The following ABCC4 variants were observed in gnomAD, a reference collection of about 807,000 sequenced individuals.
The protein encoded by ABCC4 is ATP binding cassette subfamily C member 4 (PEL blood group).
In ABCC4, 102 loss-of-function variants were observed where a neutral mutation model predicts 168.5. The observed-to-expected ratio is 0.61, with a 90% CI of 0.52 to 0.71. The LOEUF (loss-of-function observed/expected upper bound fraction) is 0.71, where lower values mean the gene tolerates loss of function less well. ABCC4 is among the 30% of genes least tolerant of loss of function. The pLI is 0.00. For missense variants in ABCC4, 1,402 were observed against 1,605.8 expected (o/e 0.87, Z 2.17); for synonymous variants, 617 against 590.7 (o/e 1.04, Z -0.65).
At chr13:95,101,048 A>C (rs928303022) in intron 20 of ABCC4, among the ~76,000 whole-genome samples, 4 of 152,214 alleles carry the variant, frequency 2.6e-5, no homozygotes, top group African/African-American at 9.6e-5. Flanking sequence ...ATTATACTCA[A>C]GTCTTAGGAT....
At chr13:95,165,977 T>A (rs1007355127) in intron 15 of ABCC4, among the ~76,000 whole-genome samples, 181 bp downstream of exon 15, 2 of 152,140 alleles carry the variant, frequency 1.3e-5, no homozygotes, top group Non-Finnish European at 2.9e-5. Context: ...AAAGGATAAC[T>A]CCAACCAGGG....
intron 4 of ABCC4, among the ~76,000 whole-genome samples, chr13:95,212,169 T>G (rs2038977420): frequency 9.0e-5 from 2 of 22,286 alleles, no homozygotes; most frequent in Admixed American, 4.2e-4. Context: ...AGTGAGACTG[T>G]CTCAAAAAAA....
At chr13:95,024,425 C>T (rs767327932) in intron 30 of ABCC4, among the ~76,000 whole-genome samples, 7 of 152,044 alleles carry the variant, frequency 4.6e-5, no homozygotes, top group Non-Finnish European at 1.0e-4. Flanking sequence ...ATTATAGTTC[C>T]TCTAATGTAG....
intron 30 of ABCC4, among the ~76,000 whole-genome samples, chr13:95,029,842 G>A (rs2031780457): frequency 6.6e-6 from 1 of 152,158 alleles, no homozygotes; most frequent in Non-Finnish European, 1.5e-5. Context: ...GAGCAGTACT[G>A]CAATCCTGGC....
intron 19 of ABCC4, among the ~76,000 whole-genome samples, chr13:95,132,937 T>C (rs1356238187): frequency 6.6e-6 from 1 of 152,018 alleles, no homozygotes; most frequent in Non-Finnish European, 1.5e-5. Flanking sequence ...GGAGTTAGTG[T>C]TTAATGGGTC....
intron 13 of ABCC4, among the ~76,000 whole-genome samples, chr13:95,171,561 G>C (rs1426092512): frequency 1.7e-3 from 195 of 116,362 alleles, no homozygotes; most frequent in African/African-American, 6.3e-3. Flanking sequence ...GTCTCAAAAA[G>C]AAAAAAAGGA....
rs767948246 is a variant in ABCC4 at position 95,286,385 on chromosome 13, G to T, written c.74+14856C>A. 1.4e-4 allele frequency among the ~76,000 whole-genome samples: 22 copies of T among 151,968 alleles called. 1 individual carries two copies. The highest frequency in any genetic ancestry group is 3.1e-4 in the Non-Finnish European group (21 of 68,010). ...TCCGCCTGCCTCGGCCTCCCAAAGT[G>T]CTGAGATTACAGGCATGAGCCACAG... On this transcript the variant is annotated intron_variant, in intron 1 of 30. Coordinates refer to ENST00000645237, the MANE Select transcript of ABCC4 (RefSeq NM_005845.5).
At chr13:95,124,702 C>T (rs2035692319) in intron 19 of ABCC4, among the ~76,000 whole-genome samples, 1 of 103,420 alleles carries the variant, frequency 9.7e-6, no homozygotes, top group Non-Finnish European at 1.8e-5. Flanking sequence ...AACCCTGTCT[C>T]TACTAAAAAC....
At chr13:95,256,706 C>T (rs1465331447) in intron 1 of ABCC4, among the ~76,000 whole-genome samples, 5 of 151,776 alleles carry the variant, frequency 3.3e-5, no homozygotes, top group African/African-American at 7.3e-5. Context: ...TGCAGTGAGA[C>T]GTGATCGTCT....
chr13:95,225,285 G>A (rs887577761), intron 4 of ABCC4, among the ~76,000 whole-genome samples: 1 of 151,588 alleles, frequency 6.6e-6, no homozygotes, highest in Non-Finnish European at 1.5e-5. Context: ...GCAACTTAAC[G>A]CACTTTAGCA....
intron 20 of ABCC4, among the ~76,000 whole-genome samples, chr13:95,108,828 C>A (rs983169826): frequency 6.6e-6 from 1 of 151,926 alleles, no homozygotes; most frequent in African/African-American, 2.4e-5. Context: ...CACTTTGTTC[C>A]CTTCTGGAGA....
chr13:95,085,489 T>C (rs573190643), intron 20 of ABCC4, among the ~76,000 whole-genome samples: 3 of 152,120 alleles, frequency 2.0e-5, no homozygotes, highest in Non-Finnish European at 4.4e-5. Flanking sequence ...GAGGAATACA[T>C]GCACACTTTG....
chr13:95,269,815 T>G (rs886240439), intron 1 of ABCC4, among the ~76,000 whole-genome samples: 8 of 152,122 alleles, frequency 5.3e-5, no homozygotes, highest in Non-Finnish European at 8.8e-5. Context: ...AACAAATGCA[T>G]GGTGACAGTG....
intron 4 of ABCC4, among the ~76,000 whole-genome samples, chr13:95,226,713 A>T (rs1057285250): frequency 1.3e-5 from 2 of 152,178 alleles, no homozygotes; most frequent in Admixed American, 6.5e-5. Context: ...AGTCTTCTAC[A>T]AAGTGCCTGG....
intron 29 of ABCC4, among the ~76,000 whole-genome samples, chr13:95,040,679 T>C (rs7331488): frequency 0.071 from 10,766 of 152,272 alleles, 500 homozygotes; most frequent in East Asian, 0.24. Context: ...AAAGAGAAGT[T>C]CCATGAAGAT....
intron 3 of ABCC4, 68 bp from the exon 4 acceptor site, chr13:95,234,902 T>C: frequency 1.7e-6 from 2 of 1,161,346 alleles, no homozygotes; most frequent in Non-Finnish European, 2.4e-6. Flanking sequence ...TTTTACTTTC[T>C]CTTTTTTCAG....
chr13:95,105,869 T>TTA (rs2034985356), intron 20 of ABCC4, among the ~76,000 whole-genome samples: 1 of 152,156 alleles, frequency 6.6e-6, no homozygotes, highest in South Asian at 2.1e-4. Context: ...CTTTTTCAGG[T>TTA]GACCGCAAAG....
At chr13:95,140,689 T>C in intron 19 of ABCC4, among the ~76,000 whole-genome samples, 1 of 152,248 alleles carries the variant, frequency 6.6e-6, no homozygotes, top group East Asian at 1.9e-4. Context: ...CAATCATTCT[T>C]GGGAAAACCC....
chr13:95,095,561 G>A (rs1357445285), intron 20 of ABCC4, among the ~76,000 whole-genome samples: 1 of 151,988 alleles, frequency 6.6e-6, no homozygotes, highest in East Asian at 1.9e-4. Context: ...GGAGGGCGAG[G>A]GATAAAACAC....
Sources: gnomAD v4.1 joint callset for allele counts (sites outside exome capture counted in the v4.1 genomes callset) on GRCh38, gnomAD v4.1.1 for gene constraint, MANE v1.5 for transcripts, NCBI Gene and HGNC (gene_info 2026-07-23, HGNC 2026-07-21) for gene names.